RABGAP1L: variants seen among roughly 807,000 people sequenced by gnomAD.
RABGAP1L encodes RAB GTPase activating protein 1 like.
Under a neutral mutation model 137.7 loss-of-function variants are expected in RABGAP1L, and 63 were observed. The observed-to-expected ratio is 0.46, with a 90% CI of 0.37 to 0.56. RABGAP1L has a LOEUF of 0.56. Ranked by LOEUF, RABGAP1L falls within the 20% of genes least tolerant of loss-of-function variation. The pLI, the probability that RABGAP1L is intolerant of heterozygous loss-of-function variation, is 0.00. For synonymous variants in RABGAP1L, 431 were observed against 433.7 expected, an observed-to-expected ratio of 0.99 and a Z score of 0.08; for missense variants, 1,095 against 1,244.0, an observed-to-expected ratio of 0.88 and a Z score of 1.80.
intron 19 of RABGAP1L, among the ~76,000 whole-genome samples, chr1:174,815,796 C>T (rs930769820): frequency 6.6e-6 from 1 of 152,148 alleles, no homozygotes; most frequent in African/African-American, 2.4e-5. Flanking sequence ...TAATGTGACT[C>T]CAAGTTATTC....
chr1:174,943,155 AAAC>A (rs1666171199), intron 19 of RABGAP1L, among the ~76,000 whole-genome samples: 1 of 152,198 alleles, frequency 6.6e-6, no homozygotes, highest in African/African-American at 2.4e-5. Context: ...TAAGTCCCTT[AAAC>A]ATGCATCCTT....
At chr1:174,284,032 T>C (rs1675822777) in intron 10 of RABGAP1L, among the ~76,000 whole-genome samples, 1 of 152,244 alleles carries the variant, frequency 6.6e-6, no homozygotes, top group South Asian at 2.1e-4. Flanking sequence ...TGTGATGATT[T>C]GATACATATA....
At chr1:174,649,497 T>A (rs2148383393) in intron 14 of RABGAP1L, among the ~76,000 whole-genome samples, 1 of 152,222 alleles carries the variant, frequency 6.6e-6, no homozygotes, top group East Asian at 1.9e-4. Context: ...TGGTTGAAAA[T>A]TCTTTTCTTT....
intron 12 of RABGAP1L, among the ~76,000 whole-genome samples, chr1:174,383,404 C>A (rs1451810050): frequency 6.6e-6 from 1 of 151,852 alleles, no homozygotes; most frequent in Non-Finnish European, 1.5e-5. Flanking sequence ...TGCCGCCTTG[C>A]AGTTTGATCT....
chr1:174,273,405 G>C (rs1328739657), intron 8 of RABGAP1L, among the ~76,000 whole-genome samples: 1 of 152,018 alleles, frequency 6.6e-6, no homozygotes, highest in Non-Finnish European at 1.5e-5. Context: ...TCATGGTCTT[G>C]TGGGAAACAA....
chr1:174,837,207 CA>C (rs35135708), intron 19 of RABGAP1L, among the ~76,000 whole-genome samples: 66,999 of 138,964 alleles, frequency 0.48, 16,990 homozygotes, highest in East Asian at 0.72. Flanking sequence ...AACTCGGTCT[CA>C]AAAAAAAAAA....
chr1:174,641,576 T>C (rs767431829), intron 14 of RABGAP1L, among the ~76,000 whole-genome samples: 3 of 152,150 alleles, frequency 2.0e-5, no homozygotes, highest in Non-Finnish European at 4.4e-5. Flanking sequence ...AGAATGTCCA[T>C]GAGACAGGGA....
chr1:174,318,580 TTTTCTTTCTTTCTTTCTTTC>T lies in RABGAP1L; in HGVS notation c.1465+13489_1465+13508del, dbSNP rs58050295. Among the ~76,000 whole-genome samples the T allele has an allele frequency of 3.0e-4, 35 of 117,648 alleles. 1 individual carries two copies. The highest frequency in any genetic ancestry group is 1.3e-3 in the South Asian group (4 of 3,154). The allele number at this position is 117,648 out of a possible 152,430, so 77.2% of individuals were successfully genotyped here. A position where few individuals can be genotyped will look rare whatever the true frequency, so the allele number is the denominator to read the frequency against. On this transcript the variant is annotated intron_variant, in intron 11 of 25. Coordinates refer to ENST00000681986, the MANE Select transcript of RABGAP1L (RefSeq NM_001366446.1). ...ACTTTTTACTGCCATTTGGTGATTG[TTTTCTTTCTTTCTTTCTTTC>T]TTTCTTTCTTTCTTTCTTTCTTTCT... is the stretch of plus-strand genomic sequence containing the variant.
intron 13 of RABGAP1L, among the ~76,000 whole-genome samples, chr1:174,615,667 C>T (rs1336733108): frequency 6.6e-6 from 1 of 152,304 alleles, no homozygotes; most frequent in East Asian, 1.9e-4. Flanking sequence ...TTTGTGTGTG[C>T]CCTGCCCCCA....
At chr1:174,508,145 C>T (rs1662002477) in intron 13 of RABGAP1L, among the ~76,000 whole-genome samples, 1 of 151,962 alleles carries the variant, frequency 6.6e-6, no homozygotes, top group South Asian at 2.1e-4. Flanking sequence ...TAATAAAGAC[C>T]CTTCCGTTTT....
intron 19 of RABGAP1L, among the ~76,000 whole-genome samples, chr1:174,834,637 C>G (rs868379967): frequency 3.5e-5 from 5 of 143,348 alleles, no homozygotes; most frequent in African/African-American, 1.3e-4. Flanking sequence ...CCTGTTCTTC[C>G]CACAGACATG....
At chr1:174,821,078 A>G (rs373580556) in intron 19 of RABGAP1L, among the ~76,000 whole-genome samples, 5 of 151,492 alleles carry the variant, frequency 3.3e-5, no homozygotes, top group African/African-American at 1.2e-4. Flanking sequence ...CAGCAAAACC[A>G]TGCCAATTAC....
intron 24 of RABGAP1L, 85 bp downstream of exon 24, chr1:174,982,990 A>G (rs560182635): frequency 1.5e-6 from 2 of 1,334,380 alleles, no homozygotes; most frequent in African/African-American, 1.5e-5. Context: ...AAACACCACC[A>G]TTTTGTATTA....
At chr1:174,547,175 G>A (rs769875111) in intron 13 of RABGAP1L, among the ~76,000 whole-genome samples, 2 of 151,330 alleles carry the variant, frequency 1.3e-5, no homozygotes, top group Non-Finnish European at 2.9e-5. Flanking sequence ...CTTCATTCTT[G>A]ATCTTGCTAG....
At chr1:174,297,375 C>G (rs971547030) in intron 10 of RABGAP1L, among the ~76,000 whole-genome samples, 1 of 152,148 alleles carries the variant, frequency 6.6e-6, no homozygotes, top group African/African-American at 2.4e-5. Flanking sequence ...GGGACTCTCG[C>G]TAGGCCAGAG....
chr1:174,294,709 T>G (rs1430793011), intron 10 of RABGAP1L, among the ~76,000 whole-genome samples: 1 of 151,940 alleles, frequency 6.6e-6, no homozygotes, highest in East Asian at 1.9e-4. Flanking sequence ...GCAGTGGCAG[T>G]GAGGATGGTG....
intron 13 of RABGAP1L, among the ~76,000 whole-genome samples, chr1:174,498,248 A>G (rs897791532): frequency 3.9e-5 from 6 of 152,302 alleles, no homozygotes; most frequent in Non-Finnish European, 4.4e-5. Context: ...CTAACTACAT[A>G]TATTTATAGA....
At chr1:174,724,277 C>T (rs1197616512) in intron 17 of RABGAP1L, among the ~76,000 whole-genome samples, 1 of 152,078 alleles carries the variant, frequency 6.6e-6, no homozygotes, top group Non-Finnish European at 1.5e-5. Context: ...TACATGATGT[C>T]AGCAGATAAC....
At chr1:174,358,857 A>T (rs1037498727) in intron 11 of RABGAP1L, among the ~76,000 whole-genome samples, 4 of 152,298 alleles carry the variant, frequency 2.6e-5, no homozygotes, top group Admixed American at 1.3e-4. Context: ...CTAATCTAGC[A>T]TTGGAAATAC....
Sources: gnomAD v4.1 joint callset for allele counts (sites outside exome capture counted in the v4.1 genomes callset) on GRCh38, gnomAD v4.1.1 for gene constraint, MANE v1.5 for transcripts, NCBI Gene and HGNC (gene_info 2026-07-23, HGNC 2026-07-21) for gene names.